The following TFAP2E variants were observed in gnomAD, a reference collection of about 807,000 sequenced individuals.
The protein encoded by TFAP2E is transcription factor AP-2 epsilon.
Under a neutral mutation model 37.9 loss-of-function variants are expected in TFAP2E, and 30 were observed. The ratio of observed to expected loss-of-function variants is 0.79; its 90% CI spans 0.59 to 1.07. The LOEUF is 1.07. TFAP2E is among the 50% of genes least tolerant of loss of function. The pLI is 0.00. For missense variants in TFAP2E, 567 were observed against 637.9 expected (o/e 0.89, Z 1.20); for synonymous variants, 318 against 295.8 (o/e 1.08, Z -0.77).
intron 6 of TFAP2E, among the ~76,000 whole-genome samples, chr1:35,593,649 C>A (rs965241285): frequency 3.9e-5 from 6 of 152,230 alleles, no homozygotes; most frequent in Non-Finnish European, 8.8e-5. Context: ...ACGGGGCTCA[C>A]CTCGTTCACT....
rs372994418 is a variant in TFAP2E, at chr1:35,590,099, T to C, written c.904+51T>C. ...GGGAGTGGATGTGAGGGCAAGTGAG[T>C]TGTCTGGTGTGACTGTCTCTAATGC... On this transcript the variant is annotated intron_variant, in intron 5 of 6. Coordinates refer to ENST00000373235, the MANE Select transcript of TFAP2E (RefSeq NM_178548.4). This position sits in a 1 kb window ranked among gnomAD's most constrained non-coding sequence, Gnocchi z 6.2. The C allele has an allele frequency of 4.8e-5, 74 of 1,553,774 alleles. No individual in the cohort carries two copies. The highest frequency in any genetic ancestry group is 6.4e-5 in the Non-Finnish European group (72 of 1,126,612).
chr1:35,581,468 G>A (rs1310499575), intron 3 of TFAP2E, among the ~76,000 whole-genome samples: 2 of 152,144 alleles, frequency 1.3e-5, no homozygotes, highest in Non-Finnish European at 2.9e-5. Flanking sequence ...TAATTTTTAA[G>A]AAACTGTCAA....
Position 35,588,285 on chromosome 1 carries a change from CTG to C in TFAP2E, c.563-40_563-39del, listed in dbSNP as rs752943418. ...ATACCAGACCCTCCCTTGAGTGGGG[CTG>C]TGTGCGGCAGCCACTGGCTCAGCGT... On this transcript the variant is annotated intron_variant, in intron 3 of 6. Transcript: ENST00000373235. The surrounding 1 kb of genome is among the most constrained non-coding windows in gnomAD (Gnocchi z 5.1). 2 of 1,555,206 alleles carry C rather than the reference CTG, an allele frequency of 1.3e-6. No individual in the cohort carries two copies. Among genetic ancestry groups the C allele is most frequent in the South Asian group, 2.4e-5 (2 of 84,896 alleles).
At chr1:35,580,053 A>G (rs1246617254) in intron 3 of TFAP2E, among the ~76,000 whole-genome samples, 1 of 1,302 alleles carries the variant, frequency 7.7e-4, no homozygotes, top group Non-Finnish European at 1.1e-3. Context: ...CTAAAAATAC[A>G]AAAAAAATTA....
At chr1:35,591,322 C>T (rs1274707731) in intron 6 of TFAP2E, among the ~76,000 whole-genome samples, 1 of 152,186 alleles carries the variant, frequency 6.6e-6, no homozygotes, top group African/African-American at 2.4e-5. Context: ...GGGTCCTACA[C>T]TCACATACAC....
chr1:35,585,263 C>T (rs1249756048), intron 3 of TFAP2E, among the ~76,000 whole-genome samples: 3 of 152,164 alleles, frequency 2.0e-5, no homozygotes, highest in African/African-American at 7.2e-5. Context: ...TGAATCATTG[C>T]CAATGCTTAA....
chr1:35,594,302 AG>A lies in TFAP2E; in HGVS notation c.1047-91del, dbSNP rs1335464484. 13 of 1,481,916 alleles carry A rather than the reference AG, an allele frequency of 8.8e-6. No homozygotes were observed. In the East Asian group the frequency reaches 2.7e-4, roughly 31 times the overall value. The allele number at this position is 1,481,916 out of a possible 1,614,324, so 91.8% of individuals were successfully genotyped here. On this transcript the variant is annotated intron_variant, in intron 6 of 6. Transcript: ENST00000373235. ...CTGTTGGGAGGGTCAGCAATTGTGT[AG>A]CTAATGTCTGTAAAATGCCTAGCAT...
Position 35,573,442 on chromosome 1 carries a change from C to A in TFAP2E, c.-136C>A. On this transcript the variant is annotated 5_prime_UTR_variant, in exon 1 of 7. Coordinates refer to ENST00000373235, the MANE Select transcript of TFAP2E (RefSeq NM_178548.4). The surrounding 1 kb of genome is among the most constrained non-coding windows in gnomAD (Gnocchi z 5.9). ...CTGAGGACCCCACGCCCACTAGGAT[C>A]CCGGCTGGGTCGCACCCAGCTACCG... 3 of 1,216,904 alleles carry A rather than the reference C, an allele frequency of 2.5e-6. No individual in the cohort carries two copies. The highest frequency in any genetic ancestry group is 3.2e-6 in the Non-Finnish European group (3 of 931,162). 75.4% of individuals were successfully genotyped at this position (1,216,904 alleles called of 1,614,324 possible).
In TFAP2E at chr1:35,574,250, G is replaced by C; in HGVS notation, c.351G>C (p.Leu117=). The C allele has an allele frequency of 7.6e-7, 1 of 1,308,450 alleles. No homozygotes were observed. The highest frequency in any genetic ancestry group is 9.8e-7 in the Non-Finnish European group (1 of 1,023,432). 81.1% of individuals were successfully genotyped at this position (1,308,450 alleles called of 1,614,324 possible). A position where few individuals can be genotyped will look rare whatever the true frequency, so the allele number is the denominator to read the frequency against. ...ARAHEEPPGL[L]APPARALGLD... is the part of the protein sequence containing the mutation. Reference sequence around the variant, plus strand: ...CCCACGAGGAGCCTCCCGGCCTGCTGGCACCGCCCGCCCGCGCCCTGGGCC... The same window carrying C: ...CCCACGAGGAGCCTCCCGGCCTGCTCGCACCGCCCGCCCGCGCCCTGGGCC... Residue 117 remains leucine, a synonymous_variant, in exon 2 of 7, where the codon CTG becomes CTC. Transcript: ENST00000373235.
intron 4 of TFAP2E, among the ~76,000 whole-genome samples, chr1:35,589,513 T>TGTGTGA (rs1649591400): frequency 6.6e-6 from 1 of 151,720 alleles, no homozygotes; most frequent in Admixed American, 6.6e-5. Flanking sequence ...TGTGTGTGTG[T>TGTGTGA]GAGAGAGTCA....
intron 3 of TFAP2E, among the ~76,000 whole-genome samples, chr1:35,580,965 A>G (rs1160789065): frequency 3.3e-5 from 5 of 152,190 alleles, no homozygotes; most frequent in East Asian, 1.9e-4. Context: ...CATTACCACA[A>G]AAAAATCCAT....
rs1649567231 is a variant in TFAP2E at position 35,588,848 on chromosome 1, G to C, written c.785+296G>C. Among the ~76,000 whole-genome samples, 1 of 152,164 alleles carries C rather than the reference G, an allele frequency of 6.6e-6. No individual in the cohort carries two copies. Among genetic ancestry groups the C allele is most frequent in the Non-Finnish European group, 1.5e-5 (1 of 68,030 alleles). The stretch of plus-strand genomic sequence containing the variant: ...AGGACGAGACTGGGTCTGGGGAAGA[G>C]AGAGGGCCATCCTCACCCCCTCTTC... On this transcript the variant is annotated intron_variant, in intron 4 of 6. Transcript: ENST00000373235. This position sits in a 1 kb window ranked among gnomAD's most constrained non-coding sequence, Gnocchi z 5.1.
chr1:35,590,787 C>A lies in TFAP2E; in HGVS notation c.1046+12C>A. 7.0e-7 allele frequency: 1 copy of A among 1,420,026 alleles called. No homozygotes were observed. Among genetic ancestry groups the A allele is most frequent in the Non-Finnish European group, 9.3e-7 (1 of 1,070,806 alleles). The allele number at this position is 1,420,026 out of a possible 1,614,324, so 88.0% of individuals were successfully genotyped here. On this transcript the variant is annotated intron_variant, in intron 6 of 6. Coordinates refer to ENST00000373235, the MANE Select transcript of TFAP2E (RefSeq NM_178548.4). The surrounding 1 kb of genome is among the most constrained non-coding windows in gnomAD (Gnocchi z 6.2). ...CTGCTGGCTGCCAAGTGAGTGAGGG[C>A]ACCCTGCACAGGCACACGTGGGTGC...
Position 35,577,293 on chromosome 1 carries a change from C to A in TFAP2E, c.562+2293C>A. On this transcript the variant is annotated intron_variant, in intron 3 of 6. Transcript: ENST00000373235. This position sits in a 1 kb window ranked among gnomAD's most constrained non-coding sequence, Gnocchi z 6.3. ...TCCCTGGAGCCGCCCCTCCCCACAC[C>A]TGCCCTCGGCGCCCCCAGCAGTTTT... 2 of 443,132 alleles carry A rather than the reference C, an allele frequency of 4.5e-6. No homozygotes were observed. Among genetic ancestry groups the A allele is most frequent in the South Asian group, 3.2e-5 (2 of 62,732 alleles). The allele number at this position is 443,132 out of a possible 1,614,324, so 27.5% of individuals were successfully genotyped here.
At chr1:35,589,424 T>A (rs1649587105) in intron 4 of TFAP2E, among the ~76,000 whole-genome samples, 2 of 148,026 alleles carry the variant, frequency 1.4e-5, no homozygotes, top group Non-Finnish European at 3.0e-5. Context: ...TGTCTCTGTG[T>A]CCCTGGGTGT....
rs1224923794 is a variant in TFAP2E, at chr1:35,588,410, G to T, written c.643G>T (p.Gly215Cys). The change falls in exon 4 of 7, where the codon GGT becomes TGT. Residue 215 changes from glycine (G) to cysteine (C), a missense_variant. This residue lies in a region of TFAP2E where 3 missense variants were observed against 17.9 expected (regional missense o/e 0.17). Coordinates refer to ENST00000373235, the MANE Select transcript of TFAP2E (RefSeq NM_178548.4). The surrounding 1 kb of genome is among the most constrained non-coding windows in gnomAD (Gnocchi z 5.1). ...DSLVGGITNPGEVFCSVPGRL... is the reference protein window; with the variant it reads ...DSLVGGITNPCEVFCSVPGRL... The stretch of plus-strand genomic sequence containing the variant: ...CCTGGTGGGCGGCATCACAAATCCT[G>T]GTGAGGTCTTCTGCTCCGTGCCCGG... 5 of 1,612,946 alleles carry T rather than the reference G, an allele frequency of 3.1e-6. No individual in the cohort carries two copies. Among genetic ancestry groups the T allele is most frequent in the Non-Finnish European group, 4.2e-6 (5 of 1,180,008 alleles).
Position 35,590,587 on chromosome 1 carries a change from A to G in TFAP2E, c.905-47A>G, listed in dbSNP as rs192528563. ...GGTCAGAGGTTCAAAGCTGTGTTCCAGGCGCAGAGGTACACCCTGCAGTAG... is the reference window on the plus strand; with the variant it reads ...GGTCAGAGGTTCAAAGCTGTGTTCCGGGCGCAGAGGTACACCCTGCAGTAG... On this transcript the variant is annotated intron_variant, in intron 5 of 6. Transcript: ENST00000373235. The surrounding 1 kb of genome is among the most constrained non-coding windows in gnomAD (Gnocchi z 6.2). The G allele has an allele frequency of 2.7e-5, 38 of 1,414,272 alleles. No individual in the cohort carries two copies. The African/African-American group carries it at 4.6e-4, about 17-fold the overall frequency. 87.6% of individuals were successfully genotyped at this position (1,414,272 alleles called of 1,614,324 possible).
At chr1:35,587,600 T>G (rs1012799765) in intron 3 of TFAP2E, among the ~76,000 whole-genome samples, 1 of 126,550 alleles carries the variant, frequency 7.9e-6, no homozygotes, top group African/African-American at 3.3e-5. Context: ...ATGGTACCAC[T>G]GCACTCCAGC....
Position 35,577,798 on chromosome 1 carries a change from G to A in TFAP2E, c.562+2798G>A. The A allele has an allele frequency of 8.5e-6, 2 of 235,504 alleles. No homozygotes were observed. Among genetic ancestry groups the A allele is most frequent in the Non-Finnish European group, 1.8e-5 (2 of 113,322 alleles). 14.6% of individuals were successfully genotyped at this position (235,504 alleles called of 1,614,324 possible). On this transcript the variant is annotated intron_variant, in intron 3 of 6. Coordinates refer to ENST00000373235, the MANE Select transcript of TFAP2E (RefSeq NM_178548.4). The surrounding 1 kb of genome is among the most constrained non-coding windows in gnomAD (Gnocchi z 6.3). ...GGGAGGGGCGGCCAGGCGAAGCCCC[G>A]GCGCTTTACCACACACTTCCGGGTC... is the stretch of plus-strand genomic sequence containing the variant.
Sources: gnomAD v4.1 joint callset for allele counts (sites outside exome capture counted in the v4.1 genomes callset) on GRCh38, gnomAD v4.1.1 for gene constraint, gnomAD v4.1.1 regional missense constraint, Gnocchi (gnomAD v3.1) non-coding constraint, MANE v1.5 for transcripts, NCBI Gene and HGNC (gene_info 2026-07-23, HGNC 2026-07-21) for gene names.